The following ANGPT1 variants were observed in gnomAD, a reference collection of about 807,000 sequenced individuals.
The protein encoded by ANGPT1 is angiopoietin-1.
In ANGPT1, 17 loss-of-function variants were observed where a neutral mutation model predicts 62.2. The ratio of observed to expected loss-of-function variants is 0.27; its 90% CI spans 0.19 to 0.41. ANGPT1 has a LOEUF of 0.41. Among genes scored for constraint, ANGPT1 ranks in the 10% least tolerant of loss-of-function variants. ANGPT1 has a pLI of 1.00. For missense variants in ANGPT1, 478 were observed against 594.9 expected, an observed-to-expected ratio of 0.80 and a Z score of 2.04; for synonymous variants, 199 against 198.9, an observed-to-expected ratio of 1.00 and a Z score of 0.00.
At chr8:107,442,873 G>T (rs558995261) in intron 1 of ANGPT1, among the ~76,000 whole-genome samples, 1 of 152,216 alleles carries the variant, frequency 6.6e-6, no homozygotes, top group Admixed American at 6.5e-5. Flanking sequence ...TATTTTTTCT[G>T]CATAGAGCAA....
At chr8:107,434,619 C>G (rs1350638583) in intron 1 of ANGPT1, among the ~76,000 whole-genome samples, 1 of 151,910 alleles carries the variant, frequency 6.6e-6, no homozygotes, top group Non-Finnish European at 1.5e-5. Context: ...AAATACTAAA[C>G]TTCAATAGCA....
chr8:107,470,755 T>G (rs1311122817), intron 1 of ANGPT1, among the ~76,000 whole-genome samples: 1 of 152,112 alleles, frequency 6.6e-6, no homozygotes, highest in East Asian at 1.9e-4. Context: ...CAGACACTTC[T>G]CAAAAGAAGA....
chr8:107,473,118 C>T (rs115703096), intron 1 of ANGPT1, among the ~76,000 whole-genome samples: 173 of 152,086 alleles, frequency 1.1e-3, no homozygotes, highest in African/African-American at 3.7e-3. Context: ...CCCATTGAGC[C>T]TACTTTATTT....
chr8:107,399,784 C>G (rs1293196209), intron 1 of ANGPT1, among the ~76,000 whole-genome samples: 2 of 152,100 alleles, frequency 1.3e-5, no homozygotes, highest in African/African-American at 4.8e-5. Flanking sequence ...AGTGGTCAGT[C>G]ACACCCGCAA....
intron 7 of ANGPT1, among the ~76,000 whole-genome samples, chr8:107,268,440 G>GTGTGTA (rs1344002018): frequency 6.7e-6 from 1 of 150,238 alleles, no homozygotes; most frequent in Non-Finnish European, 1.5e-5. Context: ...GTGTGTGTGT[G>GTGTGTA]TACATAGATA....
chr8:107,453,103 ATGTT>A (rs1811821200), intron 1 of ANGPT1, among the ~76,000 whole-genome samples: 1 of 152,036 alleles, frequency 6.6e-6, no homozygotes, highest in Non-Finnish European at 1.5e-5. Flanking sequence ...GTGTTTCTGT[ATGTT>A]GAGGAGTGAT....
intron 5 of ANGPT1, chr8:107,294,997 A>T (rs1180112727): frequency 6.6e-6 from 1 of 152,216 alleles, no homozygotes; most frequent in Admixed American, 6.6e-5. Flanking sequence ...CAAGCAGGCT[A>T]TGAGGACACA....
At chr8:107,343,772 G>A (rs930836463) in intron 2 of ANGPT1, among the ~76,000 whole-genome samples, 2 of 152,172 alleles carry the variant, frequency 1.3e-5, no homozygotes, top group African/African-American at 4.8e-5. Flanking sequence ...CATCAAGGAA[G>A]TACCCAAAGG....
intron 1 of ANGPT1, among the ~76,000 whole-genome samples, chr8:107,441,996 A>C (rs1001644677): frequency 6.6e-6 from 1 of 152,046 alleles, no homozygotes; most frequent in African/African-American, 2.4e-5. Context: ...ATGCAGGAGA[A>C]TCGGTTGAAC....
At chr8:107,305,757 T>C (rs1040914730) in intron 4 of ANGPT1, among the ~76,000 whole-genome samples, 1 of 152,176 alleles carries the variant, frequency 6.6e-6, no homozygotes, top group Non-Finnish European at 1.5e-5. Flanking sequence ...AAAATTGAGA[T>C]ACTTATATTC....
At chr8:107,286,786 T>C (rs1814152526) in intron 6 of ANGPT1, among the ~76,000 whole-genome samples, 1 of 152,174 alleles carries the variant, frequency 6.6e-6, no homozygotes, top group African/African-American at 2.4e-5. Context: ...TCTCTGTTCC[T>C]AAGATGCTCA....
At position 107,295,949 on chromosome 8, in the gene ANGPT1, A is replaced by G. The variant is rs138032950; in HGVS notation, c.937-1912T>C. The stretch of plus-strand genomic sequence containing the variant: ...TAGGTATGATGATCATCTCCATTTT[A>G]CAGATGAAAAAATACTGAGGTTTAG... On this transcript the variant is annotated intron_variant, in intron 5 of 8. Transcript: ENST00000517746. Among the ~76,000 whole-genome samples, 209 of 152,224 alleles carry G rather than the reference A, an allele frequency of 1.4e-3. 1 individual carries two copies. The highest frequency in any genetic ancestry group is 4.7e-3 in the African/African-American group (197 of 41,540).
At chr8:107,349,213 CAG>C (rs753010448) in intron 1 of ANGPT1, among the ~76,000 whole-genome samples, 1 of 152,038 alleles carries the variant, frequency 6.6e-6, no homozygotes, top group Non-Finnish European at 1.5e-5. Flanking sequence ...GACACAGAGT[CAG>C]GTGATTCCTT....
chr8:107,293,741 T>C (rs1478823006), intron 6 of ANGPT1, among the ~76,000 whole-genome samples, 195 bp downstream of exon 6: 2 of 152,192 alleles, frequency 1.3e-5, no homozygotes, highest in Non-Finnish European at 2.9e-5. Context: ...CGTTTTTCTT[T>C]CTGACGCACA....
At chr8:107,349,230 G>A (rs1815881286) in intron 1 of ANGPT1, among the ~76,000 whole-genome samples, 1 of 152,056 alleles carries the variant, frequency 6.6e-6, no homozygotes, top group African/African-American at 2.4e-5. Flanking sequence ...TTCCTTTTGA[G>A]CACCTGGACC....
In ANGPT1 at chr8:107,465,321, T is replaced by A. The variant is rs190866303; in HGVS notation, c.297+31941A>T. The stretch of plus-strand genomic sequence containing the variant: ...AACTGCTGCATATATTAGTAAGAAA[T>A]GTTAGGGATGCTTTTTGGCTCTTCC... On this transcript the variant is annotated intron_variant, in intron 1 of 8. Transcript: ENST00000517746. Among the ~76,000 whole-genome samples the A allele has an allele frequency of 5.7e-3, 873 of 152,194 alleles. 6 individuals carry two copies. The highest frequency in any genetic ancestry group is 6.8e-3 in the Non-Finnish European group (463 of 67,988).
intron 1 of ANGPT1, among the ~76,000 whole-genome samples, chr8:107,491,083 A>C (rs1323584178): frequency 1.3e-5 from 2 of 152,234 alleles, no homozygotes; most frequent in African/African-American, 4.8e-5. Flanking sequence ...TTTATTAAAA[A>C]ATAATAAATA....
At chr8:107,475,289 C>A (rs1275664965) in intron 1 of ANGPT1, among the ~76,000 whole-genome samples, 1 of 152,120 alleles carries the variant, frequency 6.6e-6, no homozygotes, top group Non-Finnish European at 1.5e-5. Context: ...CACATTTCTA[C>A]AACTATCTGA....
intron 1 of ANGPT1, among the ~76,000 whole-genome samples, chr8:107,348,811 G>T (rs1269765010): frequency 1.3e-5 from 2 of 152,016 alleles, no homozygotes; most frequent in African/African-American, 4.8e-5. Context: ...TTGCCCTTCG[G>T]AACAAATGCT....
Sources: gnomAD v4.1 joint callset for allele counts (sites outside exome capture counted in the v4.1 genomes callset) on GRCh38, gnomAD v4.1.1 for gene constraint, MANE v1.5 for transcripts, NCBI Gene and HGNC (gene_info 2026-07-23, HGNC 2026-07-21) for gene names.